ITGA9: variants seen among roughly 807,000 people sequenced by gnomAD.
The protein encoded by ITGA9 is integrin subunit alpha 9, also known as integrin alpha-9.
In ITGA9, 56 loss-of-function variants were observed where a neutral mutation model predicts 127.8. That is an observed-to-expected ratio of 0.44 (90% confidence interval 0.35 to 0.55). ITGA9 has a LOEUF of 0.55. Ranked by LOEUF, ITGA9 falls within the 20% of genes least tolerant of loss-of-function variation. ITGA9 has a pLI of 0.00. For synonymous variants in ITGA9, 508 were observed against 514.5 expected (o/e 0.99, Z 0.17); for missense variants, 1,196 against 1,347.1 (o/e 0.89, Z 1.76).
rs114771363 is a variant in ITGA9 at position 37,663,517 on chromosome 3, T to C, written c.1916+9727T>C. Among the ~76,000 whole-genome samples, 1,344 of 152,284 alleles carry C rather than the reference T, an allele frequency of 8.8e-3. 23 individuals are homozygous for C. Among genetic ancestry groups the C allele is most frequent in the African/African-American group, 0.031 (1,292 of 41,550 alleles). ...TGGGGCGAAGTGCATTTCCCAAAAC[T>C]GTTGGCTAGCTGAGGGATGAGAGCT... On this transcript the variant is annotated intron_variant, in intron 17 of 27. Transcript: ENST00000264741.
chr3:37,492,960 C>G (rs1000505163), intron 4 of ITGA9, among the ~76,000 whole-genome samples: 1 of 152,216 alleles, frequency 6.6e-6, no homozygotes, highest in African/African-American at 2.4e-5. Flanking sequence ...TTGCTTTGCA[C>G]TAGTCTCACT....
At chr3:37,505,924 T>A in intron 6 of ITGA9, 76 bp from the exon 7 acceptor site, 2 of 1,100,762 alleles carry the variant, frequency 1.8e-6, no homozygotes, top group Non-Finnish European at 2.7e-6. Context: ...TGAGAAACAT[T>A]TTCCTCTGAT....
At chr3:37,582,275 A>C (rs1442468714) in intron 15 of ITGA9, among the ~76,000 whole-genome samples, 1 of 152,240 alleles carries the variant, frequency 6.6e-6, no homozygotes, top group Admixed American at 6.5e-5. Context: ...TAGAATCTAA[A>C]AATAGCAGTT....
rs900052929 is a variant in ITGA9 at position 37,799,988 on chromosome 3, A to C, written c.2890-3835A>C. Among the ~76,000 whole-genome samples, 2 of 152,136 alleles carry C rather than the reference A, an allele frequency of 1.3e-5. No homozygotes were observed. Among genetic ancestry groups the C allele is most frequent in the African/African-American group, 4.8e-5 (2 of 41,412 alleles). On this transcript the variant is annotated intron_variant, in intron 26 of 27. Transcript: ENST00000264741. This position sits in a 1 kb window ranked among gnomAD's most constrained non-coding sequence, Gnocchi z 4.0. ...AGGACACTCAGCTCATCACTCACAG[A>C]TGAGTTTGAGAGTTGTGATGTGAGA...
intron 4 of ITGA9, among the ~76,000 whole-genome samples, chr3:37,492,839 G>C (rs1698686755): frequency 6.6e-6 from 1 of 152,174 alleles, no homozygotes; most frequent in African/African-American, 2.4e-5. Flanking sequence ...GTAACTGTTT[G>C]TTTAGGTTGA....
intron 15 of ITGA9, among the ~76,000 whole-genome samples, chr3:37,576,633 A>G (rs2125607581): frequency 6.6e-6 from 1 of 152,272 alleles, no homozygotes; most frequent in East Asian, 1.9e-4. Context: ...TTGAGACAGG[A>G]TCTGGCTCTA....
chr3:37,753,419 A>G (rs1308899752), intron 23 of ITGA9, among the ~76,000 whole-genome samples: 1 of 152,214 alleles, frequency 6.6e-6, no homozygotes, highest in Non-Finnish European at 1.5e-5. Context: ...GTGCTTCACA[A>G]AGGAACCTCT....
intron 15 of ITGA9, among the ~76,000 whole-genome samples, chr3:37,576,017 T>C (rs964254195): frequency 3.3e-5 from 5 of 152,222 alleles, no homozygotes; most frequent in South Asian, 2.1e-4. Flanking sequence ...GAAGAAGCCA[T>C]GAAGGGCTCG....
chr3:37,572,975 A>G (rs890046865), intron 15 of ITGA9, among the ~76,000 whole-genome samples: 7 of 152,226 alleles, frequency 4.6e-5, no homozygotes, highest in African/African-American at 1.7e-4. Context: ...ACAATACCTT[A>G]CATATCTGGC....
intron 27 of ITGA9, chr3:37,808,484 C>T (rs1575247979): frequency 1.3e-5 from 2 of 152,364 alleles, no homozygotes; most frequent in East Asian, 1.9e-4. Flanking sequence ...AAGGAGTTCG[C>T]TCCTGCAGGA....
chr3:37,526,366 C>G (rs557579612), intron 13 of ITGA9, among the ~76,000 whole-genome samples: 23 of 151,788 alleles, frequency 1.5e-4, no homozygotes, highest in Admixed American at 5.9e-4. Flanking sequence ...ACTCTTAAGC[C>G]TAACTCTTAA....
chr3:37,592,321 A>C (rs1699828356), intron 15 of ITGA9, among the ~76,000 whole-genome samples: 1 of 152,090 alleles, frequency 6.6e-6, no homozygotes. Flanking sequence ...TCCTCGTTGA[A>C]GGTAGCTTCC....
intron 15 of ITGA9, among the ~76,000 whole-genome samples, chr3:37,548,569 T>G (rs1699350019): frequency 6.6e-6 from 1 of 152,140 alleles, no homozygotes; most frequent in Non-Finnish European, 1.5e-5. Flanking sequence ...ATTCCTTGAT[T>G]TATTTAACCT....
intron 23 of ITGA9, among the ~76,000 whole-genome samples, chr3:37,759,049 A>G (rs564658859): frequency 8.0e-4 from 119 of 148,826 alleles, no homozygotes; most frequent in African/African-American, 2.8e-3. Context: ...AAAACAAGTG[A>G]TAAATATATA....
intron 15 of ITGA9, among the ~76,000 whole-genome samples, chr3:37,626,316 A>G (rs895830438): frequency 6.6e-6 from 1 of 152,100 alleles, no homozygotes; most frequent in African/African-American, 2.4e-5. Flanking sequence ...TAGCTTTGGG[A>G]TGGAGGGACA....
chr3:37,605,122 T>G (rs571100972), intron 15 of ITGA9, among the ~76,000 whole-genome samples: 1 of 152,236 alleles, frequency 6.6e-6, no homozygotes, highest in East Asian at 1.9e-4. Flanking sequence ...TCAGTACTGC[T>G]AAGTGTTGGT....
At chr3:37,640,009 T>C (rs1485770582) in intron 16 of ITGA9, among the ~76,000 whole-genome samples, 1 of 152,088 alleles carries the variant, frequency 6.6e-6, no homozygotes, top group Admixed American at 6.5e-5. Context: ...CTCTGAAAAT[T>C]ATAACTCTTC....
intron 5 of ITGA9, 32 bp from the exon 6 acceptor site, chr3:37,503,146 T>G (rs1698805331): frequency 6.2e-7 from 1 of 1,612,908 alleles, no homozygotes; most frequent in Non-Finnish European, 8.5e-7. Flanking sequence ...CTCACTTCCT[T>G]CTCTGCTTAC....
chr3:37,721,898 G>A (rs539702766), intron 18 of ITGA9, among the ~76,000 whole-genome samples: 9 of 152,194 alleles, frequency 5.9e-5, no homozygotes, highest in Admixed American at 2.0e-4. Flanking sequence ...CCCAGGCCCC[G>A]TCTGATCTAT....
Sources: allele counts gnomAD v4.1 joint callset (sites outside exome capture counted in the v4.1 genomes callset), GRCh38; gene constraint gnomAD v4.1.1; non-coding constraint Gnocchi (gnomAD v3.1); transcripts MANE v1.5; gene names NCBI Gene and HGNC (gene_info 2026-07-23, HGNC 2026-07-21).